B4GALT2: variants seen among roughly 807,000 people sequenced by gnomAD.
B4GALT2 encodes N-acetyllactosamine synthase.
In B4GALT2, 18 loss-of-function variants were observed where a neutral mutation model predicts 33.2. The observed-to-expected ratio is 0.54, with a 90% confidence interval of 0.38 to 0.80. The LOEUF (loss-of-function observed/expected upper bound fraction) is 0.80, where lower values mean the gene tolerates loss of function less well. Among genes scored for constraint, B4GALT2 ranks in the 30% least tolerant of loss-of-function variants. B4GALT2 has a pLI of 0.00. For missense variants in B4GALT2, 404 were observed against 526.2 expected (o/e 0.77, Z 2.27); for synonymous variants, 214 against 217.6 (o/e 0.98, Z 0.15).
rs2085715689 is a variant in B4GALT2, at chr1:43,990,363, A to G, written c.1034A>G (p.Gln345Arg). Residue 345 changes from glutamine to arginine, a missense_variant, in exon 7 of 7, where the codon CAG becomes CGG. Coordinates refer to ENST00000372324, the MANE Select transcript of B4GALT2 (RefSeq NM_003780.5). ...GACGGCATTGGGTCAGTGCGGTACC[A>G]GGTCTTGGAGGTGTCTCGGCAACCA... ...KRDGIGSVRYQVLEVSRQPLF... is the reference protein window; with the variant it reads ...KRDGIGSVRYRVLEVSRQPLF... 2 of 1,614,070 alleles carry G rather than the reference A, an allele frequency of 1.2e-6. No homozygotes were observed. The highest frequency in any genetic ancestry group is 2.7e-5 in the African/African-American group (2 of 74,912).
chr1:43,985,240 T>C (rs1240803913), intron 4 of B4GALT2, 38 bp from the exon 5 acceptor site: 2 of 1,594,740 alleles, frequency 1.3e-6, no homozygotes, highest in East Asian at 2.2e-5. Context: ...TGGAGTCCCC[T>C]TGGGACCCTT....
chr1:43,987,619 C>T (rs1165811013), intron 6 of B4GALT2, among the ~76,000 whole-genome samples: 1 of 152,202 alleles, frequency 6.6e-6, no homozygotes, highest in East Asian at 1.9e-4. Context: ...AGTCCAACCT[C>T]TGGGATCCTG....
rs560789586 is a variant in B4GALT2 at position 43,980,966 on chromosome 1, T to G, written c.-52-143T>G. On this transcript the variant is annotated intron_variant, in intron 1 of 6. Coordinates refer to ENST00000372324, the MANE Select transcript of B4GALT2 (RefSeq NM_003780.5). Reference sequence around the variant, plus strand: ...TGGGTGTCTGTTTGGAGGTAAATTCTTGAGTCTGTGAGTGTGAAAGGGTAT... The same window carrying G: ...TGGGTGTCTGTTTGGAGGTAAATTCGTGAGTCTGTGAGTGTGAAAGGGTAT... The G allele has an allele frequency of 2.5e-4, 301 of 1,208,272 alleles. No homozygotes were observed. In the Middle Eastern group the frequency reaches 4.0e-3, roughly 16 times the overall value. The allele number at this position is 1,208,272 out of a possible 1,614,324, so 74.8% of individuals were successfully genotyped here.
In B4GALT2 at chr1:43,979,838, C is replaced by T; in HGVS notation, c.-53+327C>T. ...CTCCCCCTGCCCCCAGGCTCCACAC[C>T]CACCCGGTCTGTGCGGCCTGCCCGT... On this transcript the variant is annotated intron_variant, in intron 1 of 6. Transcript: ENST00000372324. The surrounding 1 kb of genome is among the most constrained non-coding windows in gnomAD (Gnocchi z 4.8). The T allele has an allele frequency of 1.5e-6, 1 of 648,968 alleles. No homozygotes were observed. Among genetic ancestry groups the T allele is most frequent in the African/African-American group, 1.9e-5 (1 of 53,478 alleles). 40.2% of individuals were successfully genotyped at this position (648,968 alleles called of 1,614,324 possible).
At chr1:43,986,403 G>A (rs560262902) in intron 6 of B4GALT2, among the ~76,000 whole-genome samples, 96 of 152,290 alleles carry the variant, frequency 6.3e-4, no homozygotes, top group African/African-American at 2.0e-3. Context: ...GGAGGTGATG[G>A]TAACCTGGAG....
At chr1:43,988,502 C>G (rs749394223) in intron 6 of B4GALT2, among the ~76,000 whole-genome samples, 28 of 151,618 alleles carry the variant, frequency 1.8e-4, no homozygotes, top group Non-Finnish European at 3.5e-4. Flanking sequence ...ACTAAAAATA[C>G]CAAAAAAATT....
Position 43,985,877 on chromosome 1 carries a change from T to C in B4GALT2, c.968+256T>C, listed in dbSNP as rs986747807. On this transcript the variant is annotated intron_variant, in intron 6 of 6. Transcript: ENST00000372324. ...TATCTCTGACCTCTGGCCTGATTCC[T>C]AGAGGTGACCAGAATTTAATGTCAG... 7.2e-6 allele frequency: 4 copies of C among 554,348 alleles called. No individual in the cohort carries two copies. The Admixed American group carries it at 1.3e-4, about 17-fold the overall frequency. 34.3% of individuals were successfully genotyped at this position (554,348 alleles called of 1,614,324 possible).
At chr1:43,990,233 G>T in intron 6 of B4GALT2, 65 bp from the exon 7 acceptor site, 3 of 1,592,464 alleles carry the variant, frequency 1.9e-6, no homozygotes, top group South Asian at 2.2e-5. Context: ...TGGTTGGGGG[G>T]TGTAGGATTT....
intron 6 of B4GALT2, among the ~76,000 whole-genome samples, chr1:43,989,191 A>C (rs1371321243): frequency 6.6e-6 from 1 of 152,060 alleles, no homozygotes; most frequent in Non-Finnish European, 1.5e-5. Context: ...TACTAAAAAT[A>C]CAAAAATCAG....
intron 6 of B4GALT2, among the ~76,000 whole-genome samples, chr1:43,986,700 G>A (rs1415127525): frequency 6.6e-6 from 1 of 152,222 alleles, no homozygotes; most frequent in African/African-American, 2.4e-5. Context: ...TTGAATACCT[G>A]ATGGGAGGTT....
At chr1:43,986,742 G>A (rs1217819796) in intron 6 of B4GALT2, among the ~76,000 whole-genome samples, 1 of 152,214 alleles carries the variant, frequency 6.6e-6, no homozygotes, top group Admixed American at 6.5e-5. Context: ...GGGAGTCATG[G>A]AAGAACCTGA....
At position 43,985,441 on chromosome 1, in the gene B4GALT2, G is replaced by A. The variant is rs867338237; in HGVS notation, c.863+41G>A. 1.8e-4 allele frequency: 97 copies of A among 532,566 alleles called. 4 individuals carry two copies. Among genetic ancestry groups the A allele is most frequent in the South Asian group, 1.4e-3 (60 of 42,266 alleles). 33.0% of individuals were successfully genotyped at this position (532,566 alleles called of 1,614,324 possible). A position where few individuals can be genotyped will look rare whatever the true frequency, so the allele number is the denominator to read the frequency against. On this transcript the variant is annotated intron_variant, in intron 5 of 6. Transcript: ENST00000372324. ...GTGGGGAATAGGCTGGGTGGGGGGG[G>A]GAGGGGGGGTGCAGACTGGGTGGGG...
intron 6 of B4GALT2, 50 bp downstream of exon 6, chr1:43,985,671 T>C: frequency 1.3e-6 from 2 of 1,561,284 alleles, no homozygotes; most frequent in Non-Finnish European, 1.8e-6. Context: ...CTTCCCAATA[T>C]CCCCAACTCT....
chr1:43,979,889 C>A lies in B4GALT2; in HGVS notation c.-53+378C>A. The A allele has an allele frequency of 3.5e-6, 4 of 1,158,056 alleles. No individual in the cohort carries two copies. Among genetic ancestry groups the A allele is most frequent in the African/African-American group, 3.1e-5 (2 of 63,684 alleles). 71.7% of individuals were successfully genotyped at this position (1,158,056 alleles called of 1,614,324 possible). ...CCGCGGGTGCCACGTGTTCAGCCTG[C>A]CAGCCCCGCCCAAACGCACCCCTCA... On this transcript the variant is annotated intron_variant, in intron 1 of 6. Transcript: ENST00000372324. The surrounding 1 kb of genome is among the most constrained non-coding windows in gnomAD (Gnocchi z 4.8).
At chr1:43,985,207 G>A (rs927397865) in intron 4 of B4GALT2, 71 bp from the exon 5 acceptor site, 176 of 1,568,990 alleles carry the variant, frequency 1.1e-4, no homozygotes, top group Non-Finnish European at 1.4e-4. Context: ...CATTCCCCCC[G>A]ACCTGGTCTC....
chr1:43,987,613 C>T (rs2085673115), intron 6 of B4GALT2, among the ~76,000 whole-genome samples: 1 of 152,162 alleles, frequency 6.6e-6, no homozygotes, highest in Non-Finnish European at 1.5e-5. Flanking sequence ...TACCTTAGTC[C>T]AACCTCTGGG....
In B4GALT2 at chr1:43,979,644, C is replaced by T. The variant is rs1571799771; in HGVS notation, c.-53+133C>T. On this transcript the variant is annotated intron_variant, in intron 1 of 6. Coordinates refer to ENST00000372324, the MANE Select transcript of B4GALT2 (RefSeq NM_003780.5). This position sits in a 1 kb window ranked among gnomAD's most constrained non-coding sequence, Gnocchi z 4.8. Reference sequence around the variant, plus strand: ...GAGAGAGGCGCCGGCGGCCAGACCCCGGCCTGGCTGCCCCCACCCCGCCCC... The same window carrying T: ...GAGAGAGGCGCCGGCGGCCAGACCCTGGCCTGGCTGCCCCCACCCCGCCCC... 1 of 189,348 alleles carries T rather than the reference C, an allele frequency of 5.3e-6. No homozygotes were observed. The allele number at this position is 189,348 out of a possible 1,614,324, so 11.7% of individuals were successfully genotyped here.
At chr1:43,980,594 A>G in intron 1 of B4GALT2, 1 of 996,024 alleles carries the variant, frequency 1.0e-6, no homozygotes, top group Non-Finnish European at 1.2e-6. Flanking sequence ...TGAAGTCATG[A>G]GTATAAAGTG....
At chr1:43,990,272 A>G in intron 6 of B4GALT2, 26 bp from the exon 7 acceptor site, 2 of 1,613,326 alleles carry the variant, frequency 1.2e-6, no homozygotes, top group South Asian at 1.1e-5. Context: ...GTTAGCCCTG[A>G]TGTGGACCAT....
Sources: gnomAD v4.1 joint callset for allele counts (sites outside exome capture counted in the v4.1 genomes callset) on GRCh38, gnomAD v4.1.1 for gene constraint, Gnocchi (gnomAD v3.1) non-coding constraint, MANE v1.5 for transcripts, NCBI Gene and HGNC (gene_info 2026-07-23, HGNC 2026-07-21) for gene names.